Variants in ZFPM2 observed in about 807,000 individuals in gnomAD.
ZFPM2 encodes zinc finger protein ZFPM2.
In ZFPM2, 20 loss-of-function variants were observed where a neutral mutation model predicts 98.6. The observed-to-expected ratio is 0.20, with a 90% confidence interval of 0.14 to 0.29. ZFPM2 has a LOEUF of 0.29. Ranked by LOEUF, ZFPM2 falls within the 10% of genes least tolerant of loss-of-function variation. ZFPM2 has a pLI of 1.00. For synonymous variants in ZFPM2, 518 were observed against 502.7 expected (o/e 1.03, Z -0.41); for missense variants, 1,310 against 1,388.6 (o/e 0.94, Z 0.90).
intron 1 of ZFPM2, among the ~76,000 whole-genome samples, chr8:105,388,510 A>G (rs1218082416): frequency 1.3e-5 from 2 of 152,216 alleles, no homozygotes; most frequent in Non-Finnish European, 2.9e-5. Context: ...CTAAGAGAAT[A>G]GAAGCCTTCT....
chr8:105,641,087 A>C (rs1032766559), intron 5 of ZFPM2, among the ~76,000 whole-genome samples: 2 of 152,042 alleles, frequency 1.3e-5, no homozygotes, highest in Non-Finnish European at 2.9e-5. Flanking sequence ...ATTATCTGTT[A>C]TCAGGAATAC....
Position 105,322,451 on chromosome 8 carries a change from C to CT in ZFPM2, c.40+3487dup, listed in dbSNP as rs11303818. 3.7e-3 allele frequency among the ~76,000 whole-genome samples: 461 copies of CT among 125,196 alleles called. 3 individuals carry two copies. Among genetic ancestry groups the CT allele is most frequent in the African/African-American group, 0.011 (381 of 35,126 alleles). The allele number at this position is 125,196 out of a possible 152,430, so 82.1% of individuals were successfully genotyped here. A position where few individuals can be genotyped will look rare whatever the true frequency, so the allele number is the denominator to read the frequency against. ...TGGGTGCAGGAAGAGGTGGACATCA[C>CT]TTTTTTTTTTTTTTTTTGCAAATGA... On this transcript the variant is annotated intron_variant, in intron 1 of 7. Coordinates refer to ENST00000407775, the MANE Select transcript of ZFPM2 (RefSeq NM_012082.4).
At chr8:105,354,915 C>G (rs1466131354) in intron 1 of ZFPM2, among the ~76,000 whole-genome samples, 1 of 152,006 alleles carries the variant, frequency 6.6e-6, no homozygotes, top group South Asian at 2.1e-4. Context: ...GATGGCGCCA[C>G]TGCACTCCAG....
chr8:105,740,839 T>G (rs984154456), intron 5 of ZFPM2, among the ~76,000 whole-genome samples: 5 of 152,020 alleles, frequency 3.3e-5, no homozygotes, highest in African/African-American at 1.2e-4. Flanking sequence ...TGATAAAATA[T>G]GTTGTGGACA....
intron 1 of ZFPM2, among the ~76,000 whole-genome samples, chr8:105,360,008 A>G (rs527262111): frequency 6.6e-6 from 1 of 152,202 alleles, no homozygotes; most frequent in African/African-American, 2.4e-5. Flanking sequence ...CAGAGAAGGA[A>G]AGCAACTGAA....
chr8:105,493,720 A>G (rs963864278), intron 3 of ZFPM2, among the ~76,000 whole-genome samples: 84 of 152,186 alleles, frequency 5.5e-4, no homozygotes, highest in African/African-American at 1.6e-3. Context: ...AGATCTATCA[A>G]TAGTCAGACA....
intron 1 of ZFPM2, among the ~76,000 whole-genome samples, chr8:105,331,152 T>TTA (rs1329534279): frequency 0.021 from 2,825 of 136,610 alleles, 67 homozygotes; most frequent in African/African-American, 0.053. Context: ...ATATTATATT[T>TTA]TATATATATA....
chr8:105,428,527 T>C (rs1481307713), intron 2 of ZFPM2, among the ~76,000 whole-genome samples: 10 of 152,202 alleles, frequency 6.6e-5, no homozygotes, highest in African/African-American at 2.4e-4. Flanking sequence ...TCTTATGATG[T>C]TGCTTTCAGG....
intron 3 of ZFPM2, among the ~76,000 whole-genome samples, chr8:105,495,206 T>G (rs1394990058): frequency 6.6e-6 from 1 of 152,188 alleles, no homozygotes; most frequent in East Asian, 1.9e-4. Flanking sequence ...GTGTCCCTCT[T>G]CTTCACCACA....
At chr8:105,472,050 T>A (rs1189699312) in intron 3 of ZFPM2, among the ~76,000 whole-genome samples, 5 of 152,150 alleles carry the variant, frequency 3.3e-5, no homozygotes, top group Non-Finnish European at 7.4e-5. Flanking sequence ...TGCATGATGA[T>A]CTCTGAGAAC....
chr8:105,485,968 T>A (rs1458430481), intron 3 of ZFPM2, among the ~76,000 whole-genome samples: 1 of 152,112 alleles, frequency 6.6e-6, no homozygotes, highest in Non-Finnish European at 1.5e-5. Flanking sequence ...CCGATTTAGA[T>A]ACTAGAGCAG....
intron 3 of ZFPM2, among the ~76,000 whole-genome samples, chr8:105,525,823 T>C (rs1450164): frequency 0.2 from 31,010 of 152,102 alleles, 3,256 homozygotes; most frequent in African/African-American, 0.22. Flanking sequence ...ACCCTAATAA[T>C]AATTGGAGTC....
chr8:105,649,298 C>G (rs1308935447), intron 5 of ZFPM2, among the ~76,000 whole-genome samples: 2 of 152,132 alleles, frequency 1.3e-5, no homozygotes, highest in African/African-American at 4.8e-5. Context: ...ATGGGGTTTT[C>G]TAAATATACA....
intron 4 of ZFPM2, among the ~76,000 whole-genome samples, chr8:105,590,309 CTA>C (rs1229828777): frequency 3.9e-5 from 6 of 152,202 alleles, no homozygotes; most frequent in Non-Finnish European, 5.9e-5. Context: ...CCATATAAAA[CTA>C]TTGTCGTTAC....
intron 5 of ZFPM2, among the ~76,000 whole-genome samples, chr8:105,699,435 A>G (rs183597854): frequency 1.6e-4 from 25 of 152,286 alleles, no homozygotes; most frequent in African/African-American, 5.5e-4. Flanking sequence ...TCATATTTGT[A>G]CAAACTTAAA....
chr8:105,640,560 T>G (rs1182170924), intron 5 of ZFPM2, among the ~76,000 whole-genome samples: 1 of 152,066 alleles, frequency 6.6e-6, no homozygotes, highest in Admixed American at 6.6e-5. Context: ...CAAGGGCCTA[T>G]TCTAGGCACC....
chr8:105,489,767 A>G (rs1327505894), intron 3 of ZFPM2, among the ~76,000 whole-genome samples: 1 of 151,920 alleles, frequency 6.6e-6, no homozygotes, highest in East Asian at 1.9e-4. Flanking sequence ...CCTGACCCAA[A>G]AAAGCTGTAT....
chr8:105,800,189 C>A (rs951800866), intron 7 of ZFPM2, among the ~76,000 whole-genome samples: 3 of 152,098 alleles, frequency 2.0e-5, no homozygotes, highest in Admixed American at 2.0e-4. Flanking sequence ...GTACCTCTGC[C>A]ATGTTTTCAG....
chr8:105,551,114 A>G (rs1319540655), intron 3 of ZFPM2, among the ~76,000 whole-genome samples: 4 of 152,358 alleles, frequency 2.6e-5, no homozygotes, highest in East Asian at 1.9e-4. Context: ...ATTATAGCCT[A>G]TAAGTGAGAT....
Sources: gnomAD v4.1 joint callset for allele counts (sites outside exome capture counted in the v4.1 genomes callset) on GRCh38, gnomAD v4.1.1 for gene constraint, MANE v1.5 for transcripts, NCBI Gene and HGNC (gene_info 2026-07-23, HGNC 2026-07-21) for gene names.